TBC1D8: variants seen among roughly 807,000 people sequenced by gnomAD.
TBC1D8 encodes the protein BUB2-like protein 1.
In TBC1D8, 65 loss-of-function variants were observed where a neutral mutation model predicts 118.8. That is an observed-to-expected ratio of 0.55 (90% CI 0.45 to 0.67). TBC1D8 has a LOEUF of 0.67. Ranked by LOEUF, TBC1D8 falls within the 30% of genes least tolerant of loss-of-function variation. TBC1D8 has a pLI of 0.00. For synonymous variants in TBC1D8, 566 were observed against 595.8 expected (o/e 0.95, Z 0.73); for missense variants, 1,376 against 1,471.2 (o/e 0.94, Z 1.06).
chr2:101,141,801 G>GCA lies in TBC1D8; in HGVS notation c.127+9325_127+9326insTG, dbSNP rs546696387. ...ATACAGAAAAACCACACATGAAGGC[G>GCA]CGCACACACACACACACACACACAT... On this transcript the variant is annotated intron_variant, in intron 1 of 19. Coordinates refer to ENST00000409318, the MANE Select transcript of TBC1D8 (RefSeq NM_001330348.2). 2.1e-3 allele frequency among the ~76,000 whole-genome samples: 300 copies of GCA among 146,214 alleles called. 1 individual carries two copies. Among genetic ancestry groups the GCA allele is most frequent in the East Asian group, 4.2e-3 (21 of 5,010 alleles).
intron 1 of TBC1D8, among the ~76,000 whole-genome samples, chr2:101,104,288 C>A (rs546621953): frequency 3.3e-4 from 50 of 152,282 alleles, no homozygotes; most frequent in Non-Finnish European, 6.9e-4. Flanking sequence ...GTAATTCCTC[C>A]CAATTTTATC....
intron 1 of TBC1D8, among the ~76,000 whole-genome samples, chr2:101,109,216 G>A (rs964412984): frequency 3.9e-5 from 6 of 152,072 alleles, no homozygotes; most frequent in Non-Finnish European, 8.8e-5. Context: ...ACGGTACAAA[G>A]GACCAGCACC....
intron 1 of TBC1D8, among the ~76,000 whole-genome samples, chr2:101,097,587 T>C (rs1676551430): frequency 6.6e-6 from 1 of 151,544 alleles, no homozygotes; most frequent in Non-Finnish European, 1.5e-5. Flanking sequence ...GCATTTAGAC[T>C]GGGCCCAGTG....
chr2:101,112,898 G>C (rs1016489205), intron 1 of TBC1D8, among the ~76,000 whole-genome samples: 1 of 152,182 alleles, frequency 6.6e-6, no homozygotes, highest in African/African-American at 2.4e-5. Flanking sequence ...TACGTCAAAA[G>C]AACCCTTGCT....
At chr2:101,073,361 C>T (rs1674598204) in intron 2 of TBC1D8, among the ~76,000 whole-genome samples, 3 of 148,964 alleles carry the variant, frequency 2.0e-5, no homozygotes, top group African/African-American at 7.5e-5. Context: ...GTGCCACGAT[C>T]TCGGCTCACT....
At chr2:101,017,802 AT>A in intron 17 of TBC1D8, 1 of 1,534,506 alleles carries the variant, frequency 6.5e-7, no homozygotes. Context: ...GGACTTTTTA[AT>A]ATTAGTTTTC....
At chr2:101,034,254 A>G (rs115851822) in intron 9 of TBC1D8, among the ~76,000 whole-genome samples, 73 of 152,362 alleles carry the variant, frequency 4.8e-4, no homozygotes, top group African/African-American at 1.6e-3. Flanking sequence ...GAGAAAACTC[A>G]TAATAGAAAT....
In TBC1D8 at chr2:101,090,359, G is replaced by C; in HGVS notation, c.133C>G (p.Leu45Val). The C allele has an allele frequency of 6.2e-7, 1 of 1,613,900 alleles. No individual in the cohort carries two copies. Among genetic ancestry groups the C allele is most frequent in the Non-Finnish European group, 8.5e-7 (1 of 1,179,856 alleles). Residue 45 changes from leucine (L) to valine (V), a missense_variant, in exon 2 of 20, where the codon CTG becomes GTG. Physicochemically the swap from Leu to Val is conservative, Grantham distance 32 (BLOSUM62 1). Coordinates refer to ENST00000409318, the MANE Select transcript of TBC1D8 (RefSeq NM_001330348.2). ...AACACTGCATCCAGAGCGCCGACCAGGCGACCTTCAAAAGAAAAGAGAAGA... is the reference window on the plus strand; with the variant it reads ...AACACTGCATCCAGAGCGCCGACCACGCGACCTTCAAAAGAAAAGAGAAGA... ...GEGGGRLTGRLVGALDAVLDS... is the reference protein window; with the variant it reads ...GEGGGRLTGRVVGALDAVLDS...
chr2:101,101,977 A>G (rs2105469830), intron 1 of TBC1D8, among the ~76,000 whole-genome samples: 1 of 151,806 alleles, frequency 6.6e-6, no homozygotes, highest in Middle Eastern at 3.4e-3. Context: ...TACCTATGTA[A>G]CAAACCTGCA....
chr2:101,106,039 A>T (rs1436082237), intron 1 of TBC1D8, among the ~76,000 whole-genome samples: 2 of 144,074 alleles, frequency 1.4e-5, no homozygotes, highest in East Asian at 2.0e-4. Flanking sequence ...TCTGTGATTT[A>T]AAAAAAAAAA....
rs566069394 is a variant in TBC1D8, at chr2:101,014,362, T to G, written c.2828-2822A>C. ...TGTCTGGTATCATTTCTGATGTAGCTGATATCAGGACTGCTTAACTGTTAA... is the reference window on the plus strand; with the variant it reads ...TGTCTGGTATCATTTCTGATGTAGCGGATATCAGGACTGCTTAACTGTTAA... On this transcript the variant is annotated intron_variant, in intron 17 of 19. Coordinates refer to ENST00000409318, the MANE Select transcript of TBC1D8 (RefSeq NM_001330348.2). Among the ~76,000 whole-genome samples the G allele has an allele frequency of 1.1e-4, 16 of 152,322 alleles. No homozygotes were observed. In the South Asian group the frequency reaches 3.3e-3, roughly 32 times the overall value.
chr2:101,118,537 A>T (rs771408137), intron 1 of TBC1D8, among the ~76,000 whole-genome samples: 2 of 151,806 alleles, frequency 1.3e-5, no homozygotes, highest in Non-Finnish European at 2.9e-5. Flanking sequence ...TCTACTAAAA[A>T]TACAAAAAAA....
intron 2 of TBC1D8, among the ~76,000 whole-genome samples, chr2:101,076,014 GAAAA>G (rs1482567919): frequency 6.6e-6 from 1 of 152,102 alleles, no homozygotes; most frequent in African/African-American, 2.4e-5. Flanking sequence ...AAGGGAGAGA[GAAAA>G]AGAAAAGGAA....
At chr2:101,109,328 A>G (rs1253081532) in intron 1 of TBC1D8, among the ~76,000 whole-genome samples, 2 of 152,162 alleles carry the variant, frequency 1.3e-5, no homozygotes, top group East Asian at 3.8e-4. Flanking sequence ...TCAGGAAGAA[A>G]GAACTACCCA....
At chr2:101,054,667 CTTTTCTTTTTTTTTTT>C (rs1206998346) in intron 3 of TBC1D8, among the ~76,000 whole-genome samples, 499 of 21,312 alleles carry the variant, frequency 0.023, 10 homozygotes, top group African/African-American at 0.077. Flanking sequence ...ATTTTCTTTT[CTTTTCTTTTTTTTTTT>C]TTTTTTTTTT....
chr2:101,089,924 TTAAA>T (rs1675907391), intron 2 of TBC1D8, among the ~76,000 whole-genome samples: 2 of 115,980 alleles, frequency 1.7e-5, no homozygotes, highest in Non-Finnish European at 3.7e-5. Flanking sequence ...TCGATGGTTT[TTAAA>T]AAAAAAAAAA....
intron 1 of TBC1D8, among the ~76,000 whole-genome samples, chr2:101,134,410 T>C (rs17181596): frequency 0.12 from 18,007 of 152,214 alleles, 1,310 homozygotes; most frequent in South Asian, 0.21. Context: ...CATTACATTA[T>C]ATGATTCTAA....
At chr2:101,042,454 C>G (rs1681443140) in intron 5 of TBC1D8, among the ~76,000 whole-genome samples, 2 of 152,048 alleles carry the variant, frequency 1.3e-5, no homozygotes, top group Admixed American at 1.3e-4. Context: ...ACTCTGTAAC[C>G]CCGAATGAGA....
At chr2:101,016,750 AAT>A (rs1433224555) in intron 17 of TBC1D8, among the ~76,000 whole-genome samples, 2 of 152,218 alleles carry the variant, frequency 1.3e-5, no homozygotes, top group African/African-American at 4.8e-5. Flanking sequence ...AGCCATAAAA[AAT>A]GATGAGTTCA....
Sources: allele counts gnomAD v4.1 joint callset (sites outside exome capture counted in the v4.1 genomes callset), GRCh38; gene constraint gnomAD v4.1.1; transcripts MANE v1.5; gene names NCBI Gene and HGNC (gene_info 2026-07-23, HGNC 2026-07-21).